AKAP13: variants seen among roughly 807,000 people sequenced by gnomAD.
AKAP13 encodes the protein A-kinase anchoring protein 13.
Under a neutral mutation model 264.5 loss-of-function variants are expected in AKAP13, and 80 were observed. That is an observed-to-expected ratio of 0.30 (90% confidence interval 0.25 to 0.36). AKAP13 has a LOEUF of 0.36. Ranked by LOEUF, AKAP13 falls within the 10% of genes least tolerant of loss-of-function variation. The pLI, the probability that AKAP13 is intolerant of heterozygous loss-of-function variation, is 1.00. For synonymous variants in AKAP13, 1,380 were observed against 1,250.2 expected (o/e 1.10, Z -2.19); for missense variants, 3,712 against 3,435.2 (o/e 1.08, Z -2.01).
rs1158995567 is a variant in AKAP13 at position 85,747,047 on chromosome 15, A to G, written c.*2370A>G. The G allele has an allele frequency of 1.3e-5, 2 of 152,250 alleles. No individual in the cohort carries two copies. Among genetic ancestry groups the G allele is most frequent in the Admixed American group, 6.5e-5 (1 of 15,282 alleles). 9.4% of individuals were successfully genotyped at this position (152,250 alleles called of 1,614,324 possible). A position where few individuals can be genotyped will look rare whatever the true frequency, so the allele number is the denominator to read the frequency against. Reference sequence around the variant, plus strand: ...TGGTTGTTTTGGTGGTCTTTTTTAAAAATAGAGATTTCACATCTGCCCAGA... The same window carrying G: ...TGGTTGTTTTGGTGGTCTTTTTTAAGAATAGAGATTTCACATCTGCCCAGA... On this transcript the variant is annotated 3_prime_UTR_variant, in exon 37 of 37. Transcript: ENST00000394518.
At chr15:85,682,610 T>C (rs1166574593) in intron 15 of AKAP13, among the ~76,000 whole-genome samples, 2 of 152,272 alleles carry the variant, frequency 1.3e-5, no homozygotes, top group Non-Finnish European at 2.9e-5. Flanking sequence ...GCTTTAAAGC[T>C]GTTTTCTTCT....
intron 14 of AKAP13, among the ~76,000 whole-genome samples, chr15:85,675,166 C>T (rs908219886): frequency 1.3e-4 from 20 of 152,130 alleles, no homozygotes; most frequent in African/African-American, 4.8e-4. Context: ...GATTTTGTGA[C>T]ACATGAAGGA....
In AKAP13 at chr15:85,438,372, C is replaced by T. The variant is rs915850421; in HGVS notation, c.-11-47338C>T. On this transcript the variant is annotated intron_variant, in intron 1 of 36. Transcript: ENST00000394518. The stretch of plus-strand genomic sequence containing the variant: ...GCTCATGGGTAGGAAGAATCAATAT[C>T]GTGAAAATGGCCATACTTCCCAAGG... Among the ~76,000 whole-genome samples, 196 of 151,216 alleles carry T rather than the reference C, an allele frequency of 1.3e-3. 1 individual carries two copies. The Middle Eastern group carries it at 0.017, about 13-fold the overall frequency.
chr15:85,680,084 G>T (rs1442394373), intron 14 of AKAP13, among the ~76,000 whole-genome samples: 1 of 152,154 alleles, frequency 6.6e-6, no homozygotes, highest in Non-Finnish European at 1.5e-5. Flanking sequence ...ACACATATCT[G>T]CTGGAAGCTT....
intron 3 of AKAP13, among the ~76,000 whole-genome samples, chr15:85,522,930 C>G (rs1313142627): frequency 7.7e-6 from 1 of 130,632 alleles, no homozygotes; most frequent in African/African-American, 2.8e-5. Context: ...CCACCCACAC[C>G]CCCTCCCCCC....
intron 27 of AKAP13, 22 bp downstream of exon 27, chr15:85,726,508 G>A: frequency 6.3e-7 from 1 of 1,583,400 alleles, no homozygotes; most frequent in Non-Finnish European, 8.7e-7. Flanking sequence ...TGTTATTTTT[G>A]TAATAGTATT....
chr15:85,464,800 T>C (rs555927548), intron 1 of AKAP13, among the ~76,000 whole-genome samples: 2 of 152,354 alleles, frequency 1.3e-5, no homozygotes, highest in African/African-American at 4.8e-5. Context: ...TTTAGAATTT[T>C]CAATTGCTTA....
At chr15:85,532,717 T>C (rs2077280449) in intron 3 of AKAP13, among the ~76,000 whole-genome samples, 1 of 152,230 alleles carries the variant, frequency 6.6e-6, no homozygotes, top group African/African-American at 2.4e-5. Context: ...GAAAGCCCAA[T>C]TGTCCAAGAA....
intron 8 of AKAP13, among the ~76,000 whole-genome samples, chr15:85,633,237 T>C (rs768737946): frequency 9.2e-5 from 14 of 152,160 alleles, no homozygotes; most frequent in South Asian, 2.1e-4. Flanking sequence ...GACAGTAATA[T>C]GGTAATTCGT....
chr15:85,573,027 C>T (rs1213028689), intron 5 of AKAP13, among the ~76,000 whole-genome samples: 1 of 152,180 alleles, frequency 6.6e-6, no homozygotes, highest in African/African-American at 2.4e-5. Context: ...GCTACTGTAG[C>T]ATATTTTTAG....
intron 1 of AKAP13, among the ~76,000 whole-genome samples, chr15:85,438,614 A>G (rs2073451766): frequency 6.8e-6 from 1 of 147,706 alleles, no homozygotes; most frequent in African/African-American, 2.5e-5. Flanking sequence ...TGGTACCAAA[A>G]CAGAGATATA....
chr15:85,490,812 A>G (rs193017488), intron 2 of AKAP13, among the ~76,000 whole-genome samples: 1 of 152,282 alleles, frequency 6.6e-6, no homozygotes, highest in Admixed American at 6.5e-5. Flanking sequence ...CATTGTAGTG[A>G]GAAGAAGGAA....
At chr15:85,567,463 A>G (rs2078645987) in intron 5 of AKAP13, among the ~76,000 whole-genome samples, 1 of 152,222 alleles carries the variant, frequency 6.6e-6, no homozygotes, top group African/African-American at 2.4e-5. Flanking sequence ...GTAGGCTTTT[A>G]GTATAACCAT....
chr15:85,624,259 G>A (rs890513583), intron 8 of AKAP13, among the ~76,000 whole-genome samples: 6 of 119,380 alleles, frequency 5.0e-5, no homozygotes, highest in African/African-American at 1.7e-4. Context: ...CAGTAATTCA[G>A]AACATTAATT....
At chr15:85,627,071 C>T (rs1009421688) in intron 8 of AKAP13, among the ~76,000 whole-genome samples, 2 of 152,088 alleles carry the variant, frequency 1.3e-5, no homozygotes, top group Non-Finnish European at 2.9e-5. Context: ...ACCCCATCTG[C>T]GAATAGGTAT....
intron 1 of AKAP13, among the ~76,000 whole-genome samples, chr15:85,397,034 C>T (rs1477901802): frequency 7.9e-6 from 1 of 126,120 alleles, no homozygotes; most frequent in Non-Finnish European, 1.6e-5. Flanking sequence ...TGGTGATTCC[C>T]CCCCGCCCCC....
intron 10 of AKAP13, among the ~76,000 whole-genome samples, chr15:85,650,792 A>AAAAAAAAAAAAAT (rs2082796971): frequency 8.2e-6 from 1 of 121,668 alleles, no homozygotes; most frequent in African/African-American, 3.1e-5. Context: ...AAAAAAAAAC[A>AAAAAAAAAAAAAT]ACAAAAACTG....
chr15:85,557,589 G>A (rs12438650), intron 5 of AKAP13, among the ~76,000 whole-genome samples: 56,881 of 151,768 alleles, frequency 0.37, 11,493 homozygotes, highest in East Asian at 0.6. Flanking sequence ...CTCAACTTCC[G>A]CAGTAGCTGA....
At chr15:85,464,927 C>A (rs916384183) in intron 1 of AKAP13, among the ~76,000 whole-genome samples, 4 of 151,968 alleles carry the variant, frequency 2.6e-5, no homozygotes, top group African/African-American at 9.7e-5. Context: ...CTTTATTGAT[C>A]TTTAGGCATT....
Sources: gnomAD v4.1 joint callset for allele counts (sites outside exome capture counted in the v4.1 genomes callset) on GRCh38, gnomAD v4.1.1 for gene constraint, MANE v1.5 for transcripts, NCBI Gene and HGNC (gene_info 2026-07-23, HGNC 2026-07-21) for gene names.